Variants in NDST4 observed in about 807,000 individuals in gnomAD.
The protein encoded by NDST4 is N-heparan sulfate sulfotransferase 4.
NDST4 carries 63 observed loss-of-function variants against 100.8 expected under a neutral mutation model. The ratio of observed to expected loss-of-function variants is 0.62; its 90% CI spans 0.51 to 0.77. The LOEUF is 0.77. NDST4 is among the 30% of genes least tolerant of loss of function. The pLI is 0.00. For missense variants in NDST4, 943 were observed against 1,018.4 expected (o/e 0.93, Z 1.01); for synonymous variants, 377 against 361.8 (o/e 1.04, Z -0.48).
rs540685639 is a variant in NDST4 at position 114,897,973 on chromosome 4, C to A, written c.1537-27023G>T. Among the ~76,000 whole-genome samples, 64 of 152,158 alleles carry A rather than the reference C, an allele frequency of 4.2e-4. No homozygotes were observed. In the South Asian group the frequency reaches 4.8e-3, roughly 11 times the overall value. On this transcript the variant is annotated intron_variant, in intron 6 of 13. Coordinates refer to ENST00000264363, the MANE Select transcript of NDST4 (RefSeq NM_022569.3). ...AGGTAACAGTCGTATATTTGATGTGCCCTTTGCAAATATTTACTCCCAGTC... is the reference window on the plus strand; with the variant it reads ...AGGTAACAGTCGTATATTTGATGTGACCTTTGCAAATATTTACTCCCAGTC...
intron 6 of NDST4, among the ~76,000 whole-genome samples, chr4:114,916,285 T>G (rs1483228151): frequency 6.6e-6 from 1 of 152,144 alleles, no homozygotes; most frequent in Non-Finnish European, 1.5e-5. Flanking sequence ...TTCCCTTATG[T>G]AAGTGCCCCC....
At chr4:114,898,908 G>A (rs568121515) in intron 6 of NDST4, among the ~76,000 whole-genome samples, 10 of 152,012 alleles carry the variant, frequency 6.6e-5, no homozygotes, top group African/African-American at 2.4e-4. Flanking sequence ...TTATTTCCAG[G>A]AGGGTTTTTT....
At chr4:114,910,913 A>G (rs1463190836) in intron 6 of NDST4, among the ~76,000 whole-genome samples, 1 of 152,170 alleles carries the variant, frequency 6.6e-6, no homozygotes, top group Non-Finnish European at 1.5e-5. Flanking sequence ...CCCATAGTCA[A>G]TTGTTTCTCA....
intron 2 of NDST4, among the ~76,000 whole-genome samples, chr4:114,984,152 A>G (rs1237862705): frequency 0.045 from 2,460 of 54,226 alleles, 64 homozygotes; most frequent in African/African-American, 0.093. Flanking sequence ...CTATTTATTT[A>G]TTTATTTATT....
In NDST4 at chr4:115,113,536, C is replaced by G. The variant is rs1729996840; in HGVS notation, c.-339G>C. The stretch of plus-strand genomic sequence containing the variant: ...TCCAGTATTCAGGTTCACTTGGCTC[C>G]AGGTTAATTAGAAGGAGCTTTCAGT... On this transcript the variant is annotated 5_prime_UTR_variant, in exon 1 of 14. Coordinates refer to ENST00000264363, the MANE Select transcript of NDST4 (RefSeq NM_022569.3). The G allele has an allele frequency of 6.6e-6, 1 of 151,902 alleles. No homozygotes were observed. The highest frequency in any genetic ancestry group is 1.5e-5 in the Non-Finnish European group (1 of 67,936). The allele number at this position is 151,902 out of a possible 1,614,324, so 9.4% of individuals were successfully genotyped here. A position where few individuals can be genotyped will look rare whatever the true frequency, so the allele number is the denominator to read the frequency against.
At position 114,852,511 on chromosome 4, in the gene NDST4, A is replaced by G. The variant is rs185788445; in HGVS notation, c.1816+214T>C. On this transcript the variant is annotated intron_variant, in intron 8 of 13. Coordinates refer to ENST00000264363, the MANE Select transcript of NDST4 (RefSeq NM_022569.3). ...CAGTTTTAAAGTTCATAAAGAATTT[A>G]GTGTTTAAGGCTACTTAGTGGGAAA... Among the ~76,000 whole-genome samples, 6 of 152,294 alleles carry G rather than the reference A, an allele frequency of 3.9e-5. No individual in the cohort carries two copies. In the East Asian group the frequency reaches 1.2e-3, roughly 29 times the overall value.
intron 2 of NDST4, among the ~76,000 whole-genome samples, chr4:115,044,088 T>A (rs1728410510): frequency 6.6e-6 from 1 of 152,126 alleles, no homozygotes; most frequent in South Asian, 2.1e-4. Flanking sequence ...ATTTTTCATG[T>A]CTCTTAGTTT....
At chr4:115,053,110 T>G (rs1339020403) in intron 2 of NDST4, among the ~76,000 whole-genome samples, 1 of 152,124 alleles carries the variant, frequency 6.6e-6, no homozygotes, top group Non-Finnish European at 1.5e-5. Flanking sequence ...CACAATATGT[T>G]ATGGGAGACA....
chr4:114,830,478 CT>C (rs1723171297), intron 12 of NDST4, among the ~76,000 whole-genome samples: 1 of 152,170 alleles, frequency 6.6e-6, no homozygotes, highest in African/African-American at 2.4e-5. Flanking sequence ...TCTTATTTCT[CT>C]TGTTGAAGGC....
intron 2 of NDST4, among the ~76,000 whole-genome samples, chr4:115,011,469 T>A (rs2126260647): frequency 6.6e-6 from 1 of 152,072 alleles, no homozygotes; most frequent in East Asian, 1.9e-4. Flanking sequence ...CACTATTTTT[T>A]TTTTTTCCTG....
chr4:114,926,120 C>T (rs1318416252), intron 6 of NDST4, among the ~76,000 whole-genome samples: 2 of 152,012 alleles, frequency 1.3e-5, no homozygotes, highest in African/African-American at 4.8e-5. Context: ...AAGGATGTGG[C>T]ACCAGGGAAA....
chr4:114,968,272 T>C (rs578030600), intron 4 of NDST4, among the ~76,000 whole-genome samples: 4 of 152,290 alleles, frequency 2.6e-5, no homozygotes, highest in South Asian at 4.1e-4. Flanking sequence ...AAAATATCAG[T>C]AAATCACACA....
chr4:114,910,220 G>C (rs1159208887), intron 6 of NDST4, among the ~76,000 whole-genome samples: 1 of 152,106 alleles, frequency 6.6e-6, no homozygotes, highest in Non-Finnish European at 1.5e-5. Context: ...AAGGAATAGG[G>C]GGAAAATTAA....
At chr4:114,870,379 A>G (rs375947793) in intron 7 of NDST4, among the ~76,000 whole-genome samples, 20 of 152,272 alleles carry the variant, frequency 1.3e-4, no homozygotes, top group African/African-American at 4.6e-4. Flanking sequence ...AAGTCTAATT[A>G]TAAATCTTAG....
At chr4:114,986,235 G>A (rs977963805) in intron 2 of NDST4, among the ~76,000 whole-genome samples, 1 of 152,126 alleles carries the variant, frequency 6.6e-6, no homozygotes, top group African/African-American at 2.4e-5. Flanking sequence ...CACAATGAAG[G>A]TTATATAAAT....
chr4:114,874,701 C>G (rs1440951321), intron 6 of NDST4, among the ~76,000 whole-genome samples: 2 of 152,066 alleles, frequency 1.3e-5, no homozygotes, highest in East Asian at 1.9e-4. Context: ...CAAATAAAAC[C>G]TATTTCAGAG....
chr4:114,855,216 T>C (rs371205552), intron 7 of NDST4, among the ~76,000 whole-genome samples: 1 of 151,332 alleles, frequency 6.6e-6, no homozygotes, highest in East Asian at 1.9e-4. Flanking sequence ...GCAAATATTT[T>C]ACTTCAATCT....
chr4:115,100,252 A>G (rs1729702979), intron 1 of NDST4, among the ~76,000 whole-genome samples: 1 of 152,094 alleles, frequency 6.6e-6, no homozygotes, highest in Non-Finnish European at 1.5e-5. Flanking sequence ...ACATAATTAA[A>G]AAGTAATGAC....
At chr4:114,868,857 T>C (rs1274411419) in intron 7 of NDST4, among the ~76,000 whole-genome samples, 1 of 151,218 alleles carries the variant, frequency 6.6e-6, no homozygotes, top group Non-Finnish European at 1.5e-5. Context: ...TGTTATCTTT[T>C]CTGAGTTATT....
Sources: allele counts gnomAD v4.1 joint callset (sites outside exome capture counted in the v4.1 genomes callset), GRCh38; gene constraint gnomAD v4.1.1; transcripts MANE v1.5; gene names NCBI Gene and HGNC (gene_info 2026-07-23, HGNC 2026-07-21).